Variants in CNTNAP2 observed in about 807,000 individuals in gnomAD.
The protein encoded by CNTNAP2 is contactin associated protein 2, also known as contactin-associated protein-like 2.
Under a neutral mutation model 155.2 loss-of-function variants are expected in CNTNAP2, and 98 were observed. That is an observed-to-expected ratio of 0.63 (90% confidence interval 0.54 to 0.75). The LOEUF is 0.75. CNTNAP2 is among the 30% of genes least tolerant of loss of function. The pLI is 0.00. For synonymous variants in CNTNAP2, 651 were observed against 631.2 expected (o/e 1.03, Z -0.47); for missense variants, 1,727 against 1,688.1 (o/e 1.02, Z -0.40).
At chr7:146,922,385 A>G (rs1796520130) in intron 3 of CNTNAP2, among the ~76,000 whole-genome samples, 1 of 152,086 alleles carries the variant, frequency 6.6e-6, no homozygotes, top group Non-Finnish European at 1.5e-5. Context: ...TTTCCAGTTA[A>G]TTGACTTTTA....
At chr7:147,715,744 G>A (rs1434765706) in intron 13 of CNTNAP2, among the ~76,000 whole-genome samples, 1 of 151,812 alleles carries the variant, frequency 6.6e-6, no homozygotes, top group African/African-American at 2.4e-5. Flanking sequence ...ATGATTTTTG[G>A]TGTTAAGTCT....
intron 8 of CNTNAP2, among the ~76,000 whole-genome samples, chr7:147,230,270 A>T (rs886404921): frequency 2.2e-4 from 34 of 151,528 alleles, no homozygotes; most frequent in Non-Finnish European, 3.7e-4. Flanking sequence ...TTATTTATTT[A>T]TTTTTTGAGA....
chr7:147,987,093 T>A (rs966674140), intron 15 of CNTNAP2, among the ~76,000 whole-genome samples: 2 of 152,102 alleles, frequency 1.3e-5, no homozygotes, highest in Non-Finnish European at 1.5e-5. Context: ...GCAGAAATAG[T>A]GAAATTTTCA....
At chr7:147,323,371 T>A (rs1232517670) in intron 9 of CNTNAP2, among the ~76,000 whole-genome samples, 4 of 126,268 alleles carry the variant, frequency 3.2e-5, no homozygotes, top group Non-Finnish European at 6.4e-5. Context: ...TCAGTTTCCA[T>A]GTAGTTGAGC....
chr7:147,405,805 C>T (rs73740629), intron 10 of CNTNAP2, among the ~76,000 whole-genome samples: 2,516 of 152,186 alleles, frequency 0.017, 73 homozygotes, highest in African/African-American at 0.058. Flanking sequence ...CACTGAAATT[C>T]ATTGGCGATT....
intron 18 of CNTNAP2, among the ~76,000 whole-genome samples, chr7:148,214,002 G>A (rs1332421281): frequency 1.3e-5 from 2 of 152,214 alleles, no homozygotes; most frequent in African/African-American, 4.8e-5. Flanking sequence ...CCAATACACT[G>A]TGCCTTCAGC....
intron 13 of CNTNAP2, among the ~76,000 whole-genome samples, chr7:147,733,958 C>T (rs1035435648): frequency 1.3e-5 from 2 of 152,164 alleles, no homozygotes; most frequent in East Asian, 3.9e-4. Context: ...ATTTCATCTG[C>T]AAACAAGGAC....
At chr7:147,932,618 G>A (rs190167633) in intron 14 of CNTNAP2, among the ~76,000 whole-genome samples, 87 of 152,260 alleles carry the variant, frequency 5.7e-4, no homozygotes, top group African/African-American at 1.9e-3. Flanking sequence ...AGAAGAAAAC[G>A]TAGGGGAAAA....
intron 1 of CNTNAP2, among the ~76,000 whole-genome samples, chr7:146,219,263 A>C (rs1799167595): frequency 6.6e-6 from 1 of 152,192 alleles, no homozygotes; most frequent in Non-Finnish European, 1.5e-5. Flanking sequence ...ATTTGAGTGG[A>C]GACATAGCCA....
At chr7:146,338,856 T>A (rs1165378399) in intron 1 of CNTNAP2, among the ~76,000 whole-genome samples, 2 of 151,672 alleles carry the variant, frequency 1.3e-5, no homozygotes, top group African/African-American at 4.9e-5. Context: ...ACAAGCAAAA[T>A]CTATATTAGA....
At position 148,145,560 on chromosome 7, in the gene CNTNAP2, A is replaced by G. The variant is rs1054733513; in HGVS notation, c.2555-1931A>G. ...CAGTTGATGCCTTTAAAATGAAACA[A>G]TCTTTCCTACTTAGCCCAGGAACCC... is the stretch of plus-strand genomic sequence containing the variant. On this transcript the variant is annotated intron_variant, in intron 16 of 23. Transcript: ENST00000361727. Among the ~76,000 whole-genome samples the G allele has an allele frequency of 4.6e-5, 7 of 152,134 alleles. No homozygotes were observed. The East Asian group carries it at 5.8e-4, about 13-fold the overall frequency.
chr7:146,620,578 A>T (rs1267345959), intron 1 of CNTNAP2, among the ~76,000 whole-genome samples: 1 of 152,152 alleles, frequency 6.6e-6, no homozygotes, highest in Non-Finnish European at 1.5e-5. Flanking sequence ...AAATACAGAG[A>T]ATGTTTTTTA....
chr7:147,989,591 T>C (rs376639251), intron 15 of CNTNAP2, among the ~76,000 whole-genome samples: 13 of 152,344 alleles, frequency 8.5e-5, no homozygotes, highest in East Asian at 1.9e-4. Context: ...CTTGACTTCA[T>C]GCCTTTTCTT....
At chr7:148,349,407 C>T (rs7797817) in intron 21 of CNTNAP2, among the ~76,000 whole-genome samples, 140,651 of 143,226 alleles carry the variant, frequency 0.98, 69,116 homozygotes, top group East Asian at 1. Flanking sequence ...AAAAATCTCT[C>T]TTTTTTTTTT....
At chr7:146,248,115 A>T (rs1799693481) in intron 1 of CNTNAP2, among the ~76,000 whole-genome samples, 1 of 151,948 alleles carries the variant, frequency 6.6e-6, no homozygotes, top group Non-Finnish European at 1.5e-5. Context: ...GCACAGAGAT[A>T]TAAGAGGCTG....
At chr7:146,414,420 TTGAGAAATC>T (rs141367921) in intron 1 of CNTNAP2, among the ~76,000 whole-genome samples, 5,391 of 152,224 alleles carry the variant, frequency 0.035, 339 homozygotes, top group African/African-American at 0.12. Flanking sequence ...GTAGCTTCTC[TTGAGAAATC>T]TGAAGGTCTT....
At chr7:146,405,353 G>A (rs2129109515) in intron 1 of CNTNAP2, among the ~76,000 whole-genome samples, 1 of 152,290 alleles carries the variant, frequency 6.6e-6, no homozygotes, top group Middle Eastern at 3.4e-3. Context: ...ATAAGGGCTA[G>A]AATCTTGCCT....
chr7:148,387,394 A>C (rs761844743), intron 22 of CNTNAP2, among the ~76,000 whole-genome samples: 10 of 152,210 alleles, frequency 6.6e-5, no homozygotes, highest in Non-Finnish European at 1.5e-4. Context: ...TATACACAAA[A>C]ATGCCTTTCT....
intron 13 of CNTNAP2, among the ~76,000 whole-genome samples, chr7:147,792,141 G>C (rs1797830299): frequency 6.6e-6 from 1 of 152,136 alleles, no homozygotes; most frequent in Non-Finnish European, 1.5e-5. Flanking sequence ...ACGTATTATA[G>C]TATATTATTC....
Sources: allele counts gnomAD v4.1 joint callset (sites outside exome capture counted in the v4.1 genomes callset), GRCh38; gene constraint gnomAD v4.1.1; transcripts MANE v1.5; gene names NCBI Gene and HGNC (gene_info 2026-07-23, HGNC 2026-07-21).